Variants in SULT2A1 observed in about 807,000 individuals in gnomAD.
SULT2A1 encodes sulfotransferase family 2A member 1.
Under a neutral mutation model 33.9 loss-of-function variants are expected in SULT2A1, and 43 were observed. The ratio of observed to expected loss-of-function variants is 1.27; its 90% CI spans 1.00 to 1.64. SULT2A1 has a LOEUF of 1.64. Among genes scored for constraint, SULT2A1 ranks in the 40% most tolerant of loss-of-function variants. The pLI is 0.00. For synonymous variants in SULT2A1, 125 were observed against 113.6 expected (o/e 1.10, Z -0.64); for missense variants, 300 against 335.1 (o/e 0.90, Z 0.82).
rs1360138407 is a variant in SULT2A1, at chr19:47,880,080, C to A, written c.473-950G>T. Among the ~76,000 whole-genome samples the A allele has an allele frequency of 4.0e-5, 6 of 151,290 alleles. No homozygotes were observed. The East Asian group carries it at 9.7e-4, about 24-fold the overall frequency. ...TGAAACCCTGTCTCTACTAAAAACA[C>A]AAAAAAATTAGCCGGGTGTGATGGC... On this transcript the variant is annotated intron_variant, in intron 3 of 5. Transcript: ENST00000222002.
intron 5 of SULT2A1, among the ~76,000 whole-genome samples, chr19:47,872,480 C>T (rs1968502304): frequency 1.3e-5 from 2 of 152,120 alleles, no homozygotes; most frequent in Non-Finnish European, 2.9e-5. Flanking sequence ...CATCCCCACT[C>T]CTCAGACTAT....
rs764010986 is a variant in SULT2A1, at chr19:47,871,371, T to G, written c.*84A>C. ...GGTTTCAGGATAAAATAATAAGTCT[T>G]ACACAATGACCCCAGTCAGGTACAT... On this transcript the variant is annotated 3_prime_UTR_variant, in exon 6 of 6. Transcript: ENST00000222002. The G allele has an allele frequency of 5.0e-6, 5 of 1,006,172 alleles. No homozygotes were observed. In the South Asian group the frequency reaches 6.7e-5, roughly 14 times the overall value. 62.3% of individuals were successfully genotyped at this position (1,006,172 alleles called of 1,614,324 possible). A position where few individuals can be genotyped will look rare whatever the true frequency, so the allele number is the denominator to read the frequency against.
At chr19:47,883,459 C>T (rs1968621507) in intron 2 of SULT2A1, 118 bp downstream of exon 2, 1 of 1,030,374 alleles carries the variant, frequency 9.7e-7, no homozygotes, top group Admixed American at 2.1e-5. Flanking sequence ...AATCTCAGGT[C>T]TCAACAACAC....
intron 4 of SULT2A1, among the ~76,000 whole-genome samples, chr19:47,878,504 GA>G (rs1268689671): frequency 2.0e-5 from 2 of 101,018 alleles, no homozygotes; most frequent in Non-Finnish European, 3.8e-5. Flanking sequence ...AACCTCTCTA[GA>G]TTTTTTTTTT....
intron 5 of SULT2A1, among the ~76,000 whole-genome samples, chr19:47,873,614 C>CTTTATTTTTTTTTTTTTTTTT (rs1968513314): frequency 1.6e-5 from 1 of 62,062 alleles, no homozygotes; most frequent in African/African-American, 7.8e-5. Context: ...GGACAGATCT[C>CTTTATTTTTTTTTTTTTTTTT]TTTTTTTTTT....
intron 3 of SULT2A1, among the ~76,000 whole-genome samples, chr19:47,879,929 A>AT (rs1968585894): frequency 1.7e-5 from 1 of 59,366 alleles, no homozygotes; most frequent in African/African-American, 8.1e-5. Context: ...AAGTATAACA[A>AT]TAAAAAAAAT....
At chr19:47,876,350 C>G (rs1389980595) in intron 4 of SULT2A1, among the ~76,000 whole-genome samples, 2 of 152,118 alleles carry the variant, frequency 1.3e-5, no homozygotes, top group African/African-American at 4.8e-5. Context: ...AAGGACTTTG[C>G]TTTGAATCAT....
intron 4 of SULT2A1, among the ~76,000 whole-genome samples, chr19:47,875,520 A>G (rs2122144916): frequency 6.6e-6 from 1 of 151,702 alleles, no homozygotes; most frequent in Non-Finnish European, 1.5e-5. Context: ...CAGCTGTGGT[A>G]CCAGCTACTT....
At chr19:47,878,535 G>C (rs1014662674) in intron 4 of SULT2A1, among the ~76,000 whole-genome samples, 1 of 129,542 alleles carries the variant, frequency 7.7e-6, no homozygotes, top group Non-Finnish European at 1.6e-5. Flanking sequence ...TTGAGACAGA[G>C]TCGTGCTCTA....
intron 1 of SULT2A1, among the ~76,000 whole-genome samples, chr19:47,885,544 T>A (rs1402045327): frequency 6.6e-6 from 1 of 152,150 alleles, no homozygotes; most frequent in African/African-American, 2.4e-5. Context: ...AAATCCCTCT[T>A]ATTATGTTCC....
At chr19:47,877,788 C>T (rs1968561481) in intron 4 of SULT2A1, among the ~76,000 whole-genome samples, 1 of 152,090 alleles carries the variant, frequency 6.6e-6, no homozygotes, top group Non-Finnish European at 1.5e-5. Flanking sequence ...TGGACTCAAG[C>T]CATCCACCTG....
chr19:47,873,718 G>C (rs1416729549), intron 5 of SULT2A1, among the ~76,000 whole-genome samples: 3 of 143,008 alleles, frequency 2.1e-5, no homozygotes, highest in Non-Finnish European at 3.0e-5. Context: ...CCGCCTCCTG[G>C]GTTCACACCA....
intron 1 of SULT2A1, among the ~76,000 whole-genome samples, chr19:47,884,162 A>ATTATATAT (rs1555805012): frequency 6.9e-6 from 1 of 144,632 alleles, no homozygotes; most frequent in Non-Finnish European, 1.5e-5. Flanking sequence ...TAATTTTTTT[A>ATTATATAT]TTATTTATTT....
rs752108168 is a variant in SULT2A1, at chr19:47,886,189, T to C, written c.69A>G (p.Leu23=). Residue 23 remains leucine, a synonymous_variant, in exon 1 of 6, where the codon TTA becomes TTG. Coordinates refer to ENST00000222002, the MANE Select transcript of SULT2A1 (RefSeq NM_003167.4). ...FPTMGFRSET[L]RKVRDEFVIR... ...TCACGAACTCATCACGTACTTTTCT[T>C]AAGGTTTCGGATCTGAAACCCATAG... is the stretch of plus-strand genomic sequence containing the variant. 1 of 1,614,120 alleles carries C rather than the reference T, an allele frequency of 6.2e-7. No homozygotes were observed. Among genetic ancestry groups the C allele is most frequent in the South Asian group, 1.1e-5 (1 of 91,082 alleles).
At position 47,886,288 on chromosome 19, in the gene SULT2A1, G is replaced by T; in HGVS notation, c.-31C>A. 6.2e-7 allele frequency: 1 copy of T among 1,612,156 alleles called. No individual in the cohort carries two copies. The highest frequency in any genetic ancestry group is 8.5e-7 in the Non-Finnish European group (1 of 1,178,990). ...TGACCTCTTCCTGCGTGGTGTGAGG[G>T]TTTCAACTGTAGCCACCGCTGGAGG... is the stretch of plus-strand genomic sequence containing the variant. On this transcript the variant is annotated 5_prime_UTR_variant, in exon 1 of 6. Coordinates refer to ENST00000222002, the MANE Select transcript of SULT2A1 (RefSeq NM_003167.4).
At chr19:47,876,075 G>T (rs1240486622) in intron 4 of SULT2A1, among the ~76,000 whole-genome samples, 3 of 152,150 alleles carry the variant, frequency 2.0e-5, no homozygotes, top group Non-Finnish European at 4.4e-5. Flanking sequence ...GAGTGCAGTG[G>T]CATGATCTCA....
Position 47,874,959 on chromosome 19 carries a change from C to T in SULT2A1, c.568-125G>A, listed in dbSNP as rs914063488. The T allele has an allele frequency of 3.1e-5, 24 of 786,806 alleles. 2 individuals carry two copies. Among genetic ancestry groups the T allele is most frequent in the African/African-American group, 1.2e-4 (7 of 57,108 alleles). The allele number at this position is 786,806 out of a possible 1,614,324, so 48.7% of individuals were successfully genotyped here. On this transcript the variant is annotated intron_variant, in intron 4 of 5. Transcript: ENST00000222002. ...GTTGGATCACTTGAGATCAGGAGTT[C>T]GAGACTAGCCTGGCCAACGTGGTGA... is the stretch of plus-strand genomic sequence containing the variant.
At position 47,884,804 on chromosome 19, in the gene SULT2A1, C is replaced by CTTT. The variant is rs71181611; in HGVS notation, c.137-1022_137-1020dup. ...AGCCACTGCAGCCAGCTCTCAACCA[C>CTTT]TTTTTTTTTTTTTTTTTTTTTTTTT... On this transcript the variant is annotated intron_variant, in intron 1 of 5. Coordinates refer to ENST00000222002, the MANE Select transcript of SULT2A1 (RefSeq NM_003167.4). Among the ~76,000 whole-genome samples the CTTT allele has an allele frequency of 9.8e-3, 630 of 64,020 alleles. 148 individuals are homozygous for CTTT. The highest frequency in any genetic ancestry group is 0.019 in the African/African-American group (279 of 14,728). 42.0% of individuals were successfully genotyped at this position (64,020 alleles called of 152,430 possible).
chr19:47,879,773 C>T (rs1968583995), intron 3 of SULT2A1, among the ~76,000 whole-genome samples: 1 of 105,098 alleles, frequency 9.5e-6, no homozygotes, highest in East Asian at 2.7e-4. Context: ...ACACCGGGGC[C>T]TGTCATGGGG....
Sources: allele counts gnomAD v4.1 joint callset (sites outside exome capture counted in the v4.1 genomes callset), GRCh38; gene constraint gnomAD v4.1.1; transcripts MANE v1.5; gene names NCBI Gene and HGNC (gene_info 2026-07-23, HGNC 2026-07-21).